FGF14: variants seen among roughly 807,000 people sequenced by gnomAD.
The protein encoded by FGF14 is fibroblast growth factor homologous factor 4.
FGF14 carries 5 observed loss-of-function variants against 25.5 expected under a neutral mutation model. The observed-to-expected ratio is 0.20, with a 90% CI of 0.10 to 0.41. The LOEUF is 0.41. FGF14 is among the 10% of genes least tolerant of loss of function. FGF14 has a pLI of 1.00. For synonymous variants in FGF14, 138 were observed against 118.3 expected, an observed-to-expected ratio of 1.17 and a Z score of -1.08; for missense variants, 222 against 320.1, an observed-to-expected ratio of 0.69 and a Z score of 2.34.
intron 1 of FGF14, among the ~76,000 whole-genome samples, chr13:102,062,249 G>A (rs1313982098): frequency 2.0e-5 from 3 of 151,918 alleles, no homozygotes; most frequent in African/African-American, 7.3e-5. Context: ...TACTCAGATG[G>A]AGTTAAAATA....
intron 3 of FGF14, among the ~76,000 whole-genome samples, chr13:101,747,914 A>G (rs981467230): frequency 6.6e-6 from 1 of 152,120 alleles, no homozygotes; most frequent in Non-Finnish European, 1.5e-5. Flanking sequence ...AACCACAATG[A>G]GATATCATCT....
intron 1 of FGF14, among the ~76,000 whole-genome samples, chr13:102,182,922 T>C (rs2048734081): frequency 6.6e-6 from 1 of 152,176 alleles, no homozygotes; most frequent in Non-Finnish European, 1.5e-5. Context: ...GCTTGTGATG[T>C]GCCACCATAG....
chr13:102,150,301 T>C (rs1321240605), intron 1 of FGF14, among the ~76,000 whole-genome samples: 1 of 151,954 alleles, frequency 6.6e-6, no homozygotes, highest in African/African-American at 2.4e-5. Flanking sequence ...TTAGGTTTTT[T>C]TTTTTTCTTA....
At chr13:101,878,934 G>A (rs558016679) in intron 1 of FGF14, among the ~76,000 whole-genome samples, 3 of 100,246 alleles carry the variant, frequency 3.0e-5, no homozygotes, top group African/African-American at 8.8e-5. Flanking sequence ...TCTAGTAAAC[G>A]TTAAATATAA....
chr13:102,335,030 C>G (rs2056751900), intron 1 of FGF14, among the ~76,000 whole-genome samples: 1 of 152,168 alleles, frequency 6.6e-6, no homozygotes, highest in African/African-American at 2.4e-5. Context: ...CGTCTATACC[C>G]TCTTCCATCA....
At chr13:102,272,923 A>T (rs9557846) in intron 1 of FGF14, among the ~76,000 whole-genome samples, 24,642 of 152,198 alleles carry the variant, frequency 0.16, 2,167 homozygotes, top group East Asian at 0.39. Flanking sequence ...GATAGCTTCA[A>T]ACGTAGTTTA....
chr13:102,039,099 T>C (rs2041610384), intron 1 of FGF14, among the ~76,000 whole-genome samples: 1 of 152,158 alleles, frequency 6.6e-6, no homozygotes, highest in South Asian at 2.1e-4. Flanking sequence ...CCTTAGTGGG[T>C]ATAGCAGGGA....
intron 1 of FGF14, among the ~76,000 whole-genome samples, chr13:102,253,074 G>A (rs1048937740): frequency 2.0e-5 from 3 of 152,174 alleles, no homozygotes; most frequent in Admixed American, 6.5e-5. Context: ...TATAATTGAT[G>A]GGCATTTGGG....
chr13:102,107,737 A>G (rs770772728), intron 1 of FGF14, among the ~76,000 whole-genome samples: 5 of 152,202 alleles, frequency 3.3e-5, no homozygotes, highest in African/African-American at 4.8e-5. Flanking sequence ...ATGATTCAGA[A>G]GTCAGAGAAG....
At chr13:102,358,225 T>C (rs1296865601) in intron 1 of FGF14, among the ~76,000 whole-genome samples, 3 of 152,198 alleles carry the variant, frequency 2.0e-5, no homozygotes, top group Non-Finnish European at 4.4e-5. Flanking sequence ...AAAAATGTGT[T>C]TCATGTATAT....
In FGF14 at chr13:102,227,789, T is replaced by C. The variant is rs150675100; in HGVS notation, c.208+173682A>G. On this transcript the variant is annotated intron_variant, in intron 1 of 4. Transcript: ENST00000376131. Reference sequence around the variant, plus strand: ...GTCCTCAGTAAAGGGGATGAGGAAATGTAGGATTCTGTTCCTCCCATTGTG... The same window carrying C: ...GTCCTCAGTAAAGGGGATGAGGAAACGTAGGATTCTGTTCCTCCCATTGTG... Among the ~76,000 whole-genome samples, 34 of 152,234 alleles carry C rather than the reference T, an allele frequency of 2.2e-4. No individual in the cohort carries two copies. The East Asian group carries it at 5.2e-3, about 23-fold the overall frequency.
At chr13:102,163,379 T>C (rs1196727478) in intron 1 of FGF14, among the ~76,000 whole-genome samples, 1 of 152,108 alleles carries the variant, frequency 6.6e-6, no homozygotes, top group Admixed American at 6.6e-5. Flanking sequence ...GAAGGATTTA[T>C]TAAGCACCAG....
chr13:101,864,741 G>T (rs182836664), intron 3 of FGF14, among the ~76,000 whole-genome samples: 1 of 152,098 alleles, frequency 6.6e-6, no homozygotes, highest in Non-Finnish European at 1.5e-5. Flanking sequence ...ACTTACGACC[G>T]CGAAGATGCC....
At chr13:101,818,079 A>T (rs2041930948) in intron 3 of FGF14, among the ~76,000 whole-genome samples, 1 of 152,202 alleles carries the variant, frequency 6.6e-6, no homozygotes, top group Non-Finnish European at 1.5e-5. Flanking sequence ...AAGGTGACTA[A>T]GACACAAACC....
chr13:102,314,996 TATA>T (rs1452551874), intron 1 of FGF14, among the ~76,000 whole-genome samples: 1 of 149,870 alleles, frequency 6.7e-6, no homozygotes, highest in Non-Finnish European at 1.5e-5. Flanking sequence ...CATATTAATG[TATA>T]ATAAAAGATT....
rs2035465308 is a variant in FGF14 at position 101,726,772 on chromosome 13, A to C, written c.447T>G (p.Val149=). ...AGTAGATTACATAATAATTTTCAAA[A>C]ACAGATTCTTTAAACTTGCATTCAG... ...FTPECKFKES[V]FENYYVIYSS... is the part of the protein sequence containing the mutation. Residue 149 remains valine (V), a synonymous_variant, in exon 4 of 5, where the codon GTT becomes GTG. Transcript: ENST00000376143. The C allele has an allele frequency of 6.2e-7, 1 of 1,612,332 alleles. No homozygotes were observed. Among genetic ancestry groups the C allele is most frequent in the Admixed American group, 1.7e-5 (1 of 59,812 alleles).
intron 1 of FGF14, among the ~76,000 whole-genome samples, chr13:101,891,332 G>C (rs1221320839): frequency 6.6e-6 from 1 of 152,054 alleles, no homozygotes; most frequent in Non-Finnish European, 1.5e-5. Flanking sequence ...TGTGCCCTCT[G>C]GAGATGGGCC....
At chr13:101,961,855 C>T (rs2139462782) in intron 1 of FGF14, among the ~76,000 whole-genome samples, 1 of 152,240 alleles carries the variant, frequency 6.6e-6, no homozygotes, top group African/African-American at 2.4e-5. Context: ...AACCTCTTTC[C>T]TTTATAAATT....
chr13:101,810,462 G>C (rs977388223), intron 3 of FGF14, among the ~76,000 whole-genome samples: 3 of 152,140 alleles, frequency 2.0e-5, no homozygotes, highest in Admixed American at 6.5e-5. Context: ...TCTATTTGAT[G>C]CATTAGATGA....
Sources: allele counts gnomAD v4.1 joint callset (sites outside exome capture counted in the v4.1 genomes callset), GRCh38; gene constraint gnomAD v4.1.1; transcripts MANE v1.5; gene names NCBI Gene and HGNC (gene_info 2026-07-23, HGNC 2026-07-21).